The following HACE1 variants were observed in gnomAD, a reference collection of about 807,000 sequenced individuals.
The protein encoded by HACE1 is HECT domain and ankyrin repeat containing E3 ubiquitin protein ligase 1, also known as E3 ubiquitin-protein ligase HACE1.
HACE1 carries 73 observed loss-of-function variants against 118.4 expected under a neutral mutation model. That is an observed-to-expected ratio of 0.62 (90% CI 0.51 to 0.75). The LOEUF is 0.75. HACE1 is among the 30% of genes least tolerant of loss of function. The pLI is 0.00. For synonymous variants in HACE1, 368 were observed against 374.8 expected, an observed-to-expected ratio of 0.98 and a Z score of 0.21; for missense variants, 749 against 1,102.2, an observed-to-expected ratio of 0.68 and a Z score of 4.54.
At chr6:104,756,888 T>C (rs1778759236) in intron 19 of HACE1, among the ~76,000 whole-genome samples, 1 of 152,226 alleles carries the variant, frequency 6.6e-6, no homozygotes, top group Non-Finnish European at 1.5e-5. Context: ...GACCAGGAGA[T>C]TCCCTTCTGT....
Position 104,784,988 on chromosome 6 carries a change from G to A in HACE1, c.1406C>T (p.Pro469Leu), listed in dbSNP as rs761336527. Residue 469 changes from proline (P) to leucine (L), a missense_variant, in exon 12 of 24, where the codon CCG becomes CTG. By Grantham distance (98) the Pro-to-Leu change is moderately conservative. Coordinates refer to ENST00000262903, the MANE Select transcript of HACE1 (RefSeq NM_020771.4). Reference protein sequence around the residue: ...FYMCCSCQMPPGMTSPRFIEF... With the variant: ...FYMCCSCQMPLGMTSPRFIEF... ...TAATAAGCCAAAACTTTCTTACCCCGGAGGCATCTGACAAGAACAGCACAT... is the reference window on the plus strand; with the variant it reads ...TAATAAGCCAAAACTTTCTTACCCCAGAGGCATCTGACAAGAACAGCACAT... 2.0e-5 allele frequency: 32 copies of A among 1,605,410 alleles called. No homozygotes were observed. The highest frequency in any genetic ancestry group is 6.6e-5 in the South Asian group (6 of 90,300).
At chr6:104,731,548 C>A (rs191535385) in intron 22 of HACE1, 2 of 152,082 alleles carry the variant, frequency 1.3e-5, no homozygotes, top group East Asian at 3.9e-4. Context: ...GAATAGAGGC[C>A]AGAAATAACC....
chr6:104,827,616 T>C (rs987655432), intron 6 of HACE1, among the ~76,000 whole-genome samples: 3 of 152,174 alleles, frequency 2.0e-5, no homozygotes, highest in African/African-American at 4.8e-5. Context: ...ACAATTACTC[T>C]GACCCTAGGA....
rs1288973280 is a variant in HACE1 at position 104,814,019 on chromosome 6, G to A, written c.535-2626C>T. On this transcript the variant is annotated intron_variant, in intron 6 of 23. Coordinates refer to ENST00000262903, the MANE Select transcript of HACE1 (RefSeq NM_020771.4). ...TTCAACAGAAGTTTAAAAAGAAAAT[G>A]TTCAGGAATTCTACAAAGTAGAATA... 1.5e-5 allele frequency among the ~76,000 whole-genome samples: 2 copies of A among 137,526 alleles called. 1 individual carries two copies. Among genetic ancestry groups the A allele is most frequent in the Non-Finnish European group, 3.1e-5 (2 of 64,134 alleles). 90.2% of individuals were successfully genotyped at this position (137,526 alleles called of 152,430 possible). A position where few individuals can be genotyped will look rare whatever the true frequency, so the allele number is the denominator to read the frequency against.
intron 6 of HACE1, among the ~76,000 whole-genome samples, chr6:104,831,797 GC>G (rs929731629): frequency 1.3e-5 from 2 of 151,538 alleles, no homozygotes; most frequent in African/African-American, 4.9e-5. Flanking sequence ...GGAGGCTGAG[GC>G]AGGAGAATGG....
chr6:104,792,036 G>C lies in HACE1; in HGVS notation c.924-382C>G, dbSNP rs527844357. Among the ~76,000 whole-genome samples the C allele has an allele frequency of 3.9e-5, 6 of 152,096 alleles. No individual in the cohort carries two copies. In the East Asian group the frequency reaches 1.2e-3, roughly 29 times the overall value. On this transcript the variant is annotated intron_variant, in intron 10 of 23. Coordinates refer to ENST00000262903, the MANE Select transcript of HACE1 (RefSeq NM_020771.4). ...AGTCTGTATTTCACAGAGAAGCAATGGTATAAATCATCATATTCTTAGGCC... is the reference window on the plus strand; with the variant it reads ...AGTCTGTATTTCACAGAGAAGCAATCGTATAAATCATCATATTCTTAGGCC...
At chr6:104,832,844 A>T (rs1458450066) in intron 6 of HACE1, among the ~76,000 whole-genome samples, 198 bp downstream of exon 6, 3 of 152,152 alleles carry the variant, frequency 2.0e-5, no homozygotes, top group African/African-American at 7.2e-5. Context: ...GGCTGCAGTG[A>T]GCTAGGATCC....
intron 6 of HACE1, among the ~76,000 whole-genome samples, chr6:104,816,033 A>C (rs1050975487): frequency 6.6e-6 from 1 of 151,852 alleles, no homozygotes; most frequent in Admixed American, 6.6e-5. Context: ...AGATCACTGC[A>C]TTGCACTCCA....
intron 6 of HACE1, among the ~76,000 whole-genome samples, chr6:104,818,086 CAT>C (rs755772070): frequency 2.0e-5 from 3 of 152,060 alleles, no homozygotes; most frequent in Non-Finnish European, 4.4e-5. Context: ...ATAGTATTCA[CAT>C]GTCTATTTAA....
intron 19 of HACE1, among the ~76,000 whole-genome samples, chr6:104,755,017 ATCAGTATGCTGTCC>A (rs1270254053): frequency 2.0e-5 from 3 of 152,192 alleles, no homozygotes; most frequent in African/African-American, 7.2e-5. Flanking sequence ...GCCAAGACCC[ATCAGTATGCTGTCC>A]TCAAGAGACC....
chr6:104,754,247 G>T (rs1778374342), intron 19 of HACE1, among the ~76,000 whole-genome samples: 2 of 152,084 alleles, frequency 1.3e-5, no homozygotes, highest in South Asian at 4.1e-4. Flanking sequence ...AGAGATATGG[G>T]GTTATGTAAA....
At chr6:104,834,780 C>T (rs963283755) in intron 5 of HACE1, among the ~76,000 whole-genome samples, 4 of 152,128 alleles carry the variant, frequency 2.6e-5, no homozygotes, top group Non-Finnish European at 5.9e-5. Flanking sequence ...CACAGGACTC[C>T]CAAAAGGCTC....
At chr6:104,752,001 C>T (rs971335042) in intron 19 of HACE1, among the ~76,000 whole-genome samples, 4 of 150,948 alleles carry the variant, frequency 2.6e-5, no homozygotes, top group Non-Finnish European at 5.9e-5. Context: ...AGGCACTGAG[C>T]CAGCAAGTTC....
At chr6:104,797,382 C>G (rs1268522142) in intron 7 of HACE1, among the ~76,000 whole-genome samples, 1 of 151,470 alleles carries the variant, frequency 6.6e-6, no homozygotes, top group Non-Finnish European at 1.5e-5. Flanking sequence ...CAACTTTAGC[C>G]TGACCTTCTT....
intron 3 of HACE1, among the ~76,000 whole-genome samples, chr6:104,849,942 G>A (rs534228597): frequency 7.9e-5 from 11 of 138,508 alleles, no homozygotes; most frequent in South Asian, 4.8e-4. Context: ...AAGCCACCAC[G>A]CCCGTCCTTT....
chr6:104,853,679 G>A (rs1776454885), intron 1 of HACE1, among the ~76,000 whole-genome samples: 1 of 152,060 alleles, frequency 6.6e-6, no homozygotes, highest in Non-Finnish European at 1.5e-5. Context: ...GAAGAACCCA[G>A]CAGACACTAT....
rs34979682 is a variant in HACE1 at position 104,750,449 on chromosome 6, A to T, written c.2235T>A (p.Thr745=). The T allele has an allele frequency of 1.7e-3, 2,688 of 1,613,746 alleles. 41 individuals carry two copies. The African/African-American group carries it at 0.032, about 19-fold the overall frequency. ...NNKAEYVQLV[T]ELRMTRAIQP... is the part of the protein sequence containing the mutation. The stretch of plus-strand genomic sequence containing the variant: ...GAATGGCTCTTGTCATTCGAAGTTC[A>T]GTAACAAGCTGGACGTACTCCGCCT... The change falls in exon 20 of 24, where the codon ACT becomes ACA. Residue 745 remains threonine (T), a synonymous_variant. Transcript: ENST00000262903.
chr6:104,808,611 T>C (rs1207985892), intron 7 of HACE1, among the ~76,000 whole-genome samples: 6 of 151,208 alleles, frequency 4.0e-5, no homozygotes, highest in Admixed American at 1.3e-4. Flanking sequence ...GAATATGATA[T>C]AATATATTAT....
chr6:104,831,174 G>C (rs1773828752), intron 6 of HACE1: 1 of 152,128 alleles, frequency 6.6e-6, no homozygotes, highest in African/African-American at 2.4e-5. Context: ...CTTTATATAA[G>C]GCAGTAAAGT....
Sources: allele counts gnomAD v4.1 joint callset (sites outside exome capture counted in the v4.1 genomes callset), GRCh38; gene constraint gnomAD v4.1.1; transcripts MANE v1.5; gene names NCBI Gene and HGNC (gene_info 2026-07-23, HGNC 2026-07-21).